The following RANBP17 variants were observed in gnomAD, a reference collection of about 807,000 sequenced individuals.
RANBP17 encodes ran-binding protein 17.
In RANBP17, 158 loss-of-function variants were observed where a neutral mutation model predicts 141.2. That is an observed-to-expected ratio of 1.12 (90% CI 0.98 to 1.28). The LOEUF (loss-of-function observed/expected upper bound fraction) is 1.28. Ranked by LOEUF, RANBP17 falls within the 50% of genes most tolerant of loss-of-function variation. The pLI is 0.00. For missense variants in RANBP17, 1,438 were observed against 1,290.7 expected (o/e 1.11, Z -1.75); for synonymous variants, 430 against 450.0 (o/e 0.96, Z 0.56).
intron 14 of RANBP17, among the ~76,000 whole-genome samples, chr5:171,088,862 A>T (rs1034339609): frequency 3.9e-5 from 6 of 152,020 alleles, no homozygotes; most frequent in South Asian, 2.1e-4. Context: ...TTATACATTC[A>T]TCTAAATTTT....
At position 171,298,821 on chromosome 5, in the gene RANBP17, G is replaced by A. The variant is rs770739423; in HGVS notation, c.3230G>A (p.Gly1077Asp). Residue 1077 changes from glycine (G) to aspartate (D), a missense_variant, in exon 28 of 28, where the codon GGC (glycine) becomes GAC (aspartate). By Grantham distance (94) the Gly-to-Asp change is moderately conservative (BLOSUM62 -1). Transcript: ENST00000523189. ...GTGGCAGAGGCGTTGCGCAGTGATG[G>A]CAACACTGAACCATGCAGTCTCGAC... ...RDVAEALRSD[G>D]NTEPCSLDMM... 1.9e-6 allele frequency: 3 copies of A among 1,614,140 alleles called. No individual in the cohort carries two copies. The highest frequency in any genetic ancestry group is 1.1e-5 in the South Asian group (1 of 91,074).
Position 170,919,464 on chromosome 5 carries a change from T to C in RANBP17, c.1125T>C (p.Ser375=). The C allele has an allele frequency of 6.2e-7, 1 of 1,600,748 alleles. No individual in the cohort carries two copies. The highest frequency in any genetic ancestry group is 8.5e-7 in the Non-Finnish European group (1 of 1,175,452). The change falls in exon 11 of 28, where the codon AGT becomes AGC. Residue 375 remains serine, a synonymous_variant. Coordinates refer to ENST00000523189, the MANE Select transcript of RANBP17 (RefSeq NM_022897.5). ...AGCACTGGGAATTTGCTCCTAACAGTGTTCATTATTTATTAACTCTGTGGC... is the reference window on the plus strand; with the variant it reads ...AGCACTGGGAATTTGCTCCTAACAGCGTTCATTATTTATTAACTCTGTGGC... The part of the protein sequence containing the change: ...SLQHWEFAPN[S]VHYLLTLWQR...
rs767817591 is a variant in RANBP17, at chr5:170,968,224, T to TA, written c.1575-17dup. ...GGTTTTGTACTGAAGGTTTTTTTTT[T>TA]ATTTTCCCTTCATGAAGAGTTTTTC... On this transcript the variant is annotated splice_polypyrimidine_tract_variant and intron_variant, in intron 13 of 27. Transcript: ENST00000523189. 3 of 1,531,060 alleles carry TA rather than the reference T, an allele frequency of 2.0e-6. No homozygotes were observed. Among genetic ancestry groups the TA allele is most frequent in the South Asian group, 1.3e-5 (1 of 76,896 alleles). 94.8% of individuals were successfully genotyped at this position (1,531,060 alleles called of 1,614,324 possible).
chr5:170,934,137 C>T (rs1773654730), intron 12 of RANBP17, among the ~76,000 whole-genome samples: 1 of 152,204 alleles, frequency 6.6e-6, no homozygotes, highest in Non-Finnish European at 1.5e-5. Context: ...GTTAGCTCTT[C>T]TTGCTGAATT....
At chr5:171,113,115 A>T (rs1755366233) in intron 14 of RANBP17, among the ~76,000 whole-genome samples, 1 of 152,132 alleles carries the variant, frequency 6.6e-6, no homozygotes, top group African/African-American at 2.4e-5. Context: ...CAGGGAACCC[A>T]CCCAAACTGC....
intron 12 of RANBP17, among the ~76,000 whole-genome samples, chr5:170,931,889 G>C (rs942442821): frequency 2.0e-5 from 3 of 152,174 alleles, no homozygotes; most frequent in African/African-American, 7.2e-5. Context: ...TGGCAATGCG[G>C]GCTCTTTTTT....
chr5:171,017,259 A>T (rs1233007124), intron 14 of RANBP17, among the ~76,000 whole-genome samples: 1 of 152,120 alleles, frequency 6.6e-6, no homozygotes, highest in African/African-American at 2.4e-5. Context: ...ATTCCTTTGG[A>T]TATATACCCA....
chr5:171,103,034 C>T (rs975656806), intron 14 of RANBP17, among the ~76,000 whole-genome samples: 2 of 152,164 alleles, frequency 1.3e-5, no homozygotes, highest in South Asian at 2.1e-4. Context: ...AGGTGTCTGT[C>T]GACCCCTGCT....
At chr5:171,152,532 C>T (rs1440214555) in intron 14 of RANBP17, among the ~76,000 whole-genome samples, 1 of 152,088 alleles carries the variant, frequency 6.6e-6, no homozygotes, top group Non-Finnish European at 1.5e-5. Context: ...GGGTTCTTCC[C>T]ACTTAGAAAT....
intron 12 of RANBP17, among the ~76,000 whole-genome samples, chr5:170,943,306 TTTA>T (rs1432292586): frequency 7.2e-5 from 11 of 152,160 alleles, no homozygotes; most frequent in African/African-American, 2.4e-4. Flanking sequence ...ACAAAATAAG[TTTA>T]TTATTATATT....
chr5:170,968,214 G>GTT (rs762211654), intron 13 of RANBP17, 28 bp from the exon 14 acceptor site: 20 of 1,352,916 alleles, frequency 1.5e-5, no homozygotes, highest in South Asian at 4.5e-5. Context: ...TGTACTGAAG[G>GTT]TTTTTTTTTT....
Position 170,894,450 on chromosome 5 carries a change from T to C in RANBP17, c.424-1600T>C, listed in dbSNP as rs1008891696. On this transcript the variant is annotated intron_variant, in intron 4 of 27. Coordinates refer to ENST00000523189, the MANE Select transcript of RANBP17 (RefSeq NM_022897.5). ...TGTTTTAGCTTGAAAGTTTATTATATAATAGTATCACCATAGAATAGTTAG... is the reference window on the plus strand; with the variant it reads ...TGTTTTAGCTTGAAAGTTTATTATACAATAGTATCACCATAGAATAGTTAG... Among the ~76,000 whole-genome samples the C allele has an allele frequency of 1.4e-4, 20 of 145,380 alleles. No individual in the cohort carries two copies. In the South Asian group the frequency reaches 3.2e-3, roughly 23 times the overall value.
intron 23 of RANBP17, among the ~76,000 whole-genome samples, chr5:171,241,553 T>G (rs1031529839): frequency 6.6e-6 from 1 of 152,148 alleles, no homozygotes; most frequent in Non-Finnish European, 1.5e-5. Context: ...AATCTTGGAA[T>G]GGCTGCATCT....
intron 12 of RANBP17, among the ~76,000 whole-genome samples, chr5:170,941,889 T>A (rs1286897829): frequency 6.6e-6 from 1 of 152,128 alleles, no homozygotes; most frequent in East Asian, 1.9e-4. Flanking sequence ...GAATACCCAT[T>A]GACCTGACCC....
intron 5 of RANBP17, among the ~76,000 whole-genome samples, chr5:170,900,835 T>C (rs560176982): frequency 6.6e-6 from 1 of 152,376 alleles, no homozygotes; most frequent in African/African-American, 2.4e-5. Flanking sequence ...TGAGTGAGTT[T>C]CTTAATCCTG....
At chr5:170,887,709 C>T (rs1006705399) in intron 3 of RANBP17, among the ~76,000 whole-genome samples, 6 of 152,048 alleles carry the variant, frequency 3.9e-5, no homozygotes, top group Admixed American at 3.9e-4. Context: ...ATAGCTGAGA[C>T]TGGGTAATTT....
intron 12 of RANBP17, among the ~76,000 whole-genome samples, chr5:170,925,307 C>T (rs1028475153): frequency 2.6e-5 from 4 of 151,934 alleles, no homozygotes; most frequent in Admixed American, 2.0e-4. Flanking sequence ...TTTAAAAATG[C>T]GTTTTATTAT....
At chr5:171,170,230 T>C (rs761529986) in intron 15 of RANBP17, 27 bp downstream of exon 15, 1 of 1,344,044 alleles carries the variant, frequency 7.4e-7, no homozygotes, top group Non-Finnish European at 1.0e-6. Flanking sequence ...GTCTTTAATT[T>C]TTCTTTTGTT....
intron 14 of RANBP17, among the ~76,000 whole-genome samples, chr5:171,166,496 A>AGATAC (rs1189505935): frequency 6.6e-6 from 1 of 151,500 alleles, no homozygotes; most frequent in African/African-American, 2.4e-5. Flanking sequence ...ATACTGCAAT[A>AGATAC]TGGTTTCTTC....
Sources: allele counts gnomAD v4.1 joint callset (sites outside exome capture counted in the v4.1 genomes callset), GRCh38; gene constraint gnomAD v4.1.1; transcripts MANE v1.5; gene names NCBI Gene and HGNC (gene_info 2026-07-23, HGNC 2026-07-21).